The following CNTNAP2 variants were observed in gnomAD, a reference collection of about 807,000 sequenced individuals.
CNTNAP2 encodes contactin associated protein 2, also known as contactin-associated protein-like 2.
In CNTNAP2, 98 loss-of-function variants were observed where a neutral mutation model predicts 155.2. The ratio of observed to expected loss-of-function variants is 0.63; its 90% CI spans 0.54 to 0.75. The LOEUF (loss-of-function observed/expected upper bound fraction) is 0.75, where lower values mean the gene tolerates loss of function less well. Ranked by LOEUF, CNTNAP2 falls within the 30% of genes least tolerant of loss-of-function variation. The pLI is 0.00. For synonymous variants in CNTNAP2, 651 were observed against 631.2 expected, an observed-to-expected ratio of 1.03 and a Z score of -0.47; for missense variants, 1,727 against 1,688.1, an observed-to-expected ratio of 1.02 and a Z score of -0.40.
intron 8 of CNTNAP2, among the ~76,000 whole-genome samples, chr7:147,211,437 A>T (rs1803143585): frequency 6.6e-6 from 1 of 152,048 alleles, no homozygotes; most frequent in South Asian, 2.1e-4. Flanking sequence ...AAAGTAACCA[A>T]AACAGCATAG....
At chr7:146,715,319 C>G (rs557497921) in intron 1 of CNTNAP2, among the ~76,000 whole-genome samples, 1 of 151,952 alleles carries the variant, frequency 6.6e-6, no homozygotes, top group South Asian at 2.1e-4. Context: ...GCAACAAGAG[C>G]GAAACTCCAT....
rs1796285208 is a variant in CNTNAP2 at position 146,911,711 on chromosome 7, A to G, written c.402+71807A>G. On this transcript the variant is annotated intron_variant, in intron 3 of 23. Coordinates refer to ENST00000361727, the MANE Select transcript of CNTNAP2 (RefSeq NM_014141.6). ...TTGGAGGTATACCTAAGGCTAGATG[A>G]CAAGTTAGTGGGTGCAGCGCACCAG... Among the ~76,000 whole-genome samples the G allele has an allele frequency of 3.3e-5, 5 of 151,758 alleles. No homozygotes were observed. The South Asian group carries it at 1.0e-3, about 32-fold the overall frequency.
intron 1 of CNTNAP2, among the ~76,000 whole-genome samples, chr7:146,136,611 T>C (rs1797801445): frequency 1.3e-5 from 2 of 152,118 alleles, no homozygotes; most frequent in Non-Finnish European, 2.9e-5. Context: ...GGTTGGATTC[T>C]ACAGAAGCTC....
chr7:147,565,145 C>T (rs983864124), intron 12 of CNTNAP2, among the ~76,000 whole-genome samples: 5 of 151,928 alleles, frequency 3.3e-5, no homozygotes, highest in Admixed American at 6.6e-5. Context: ...CCCCTAAATC[C>T]GAAGTATAAA....
chr7:147,833,013 C>T lies in CNTNAP2; in HGVS notation c.2099-70552C>T, dbSNP rs541547441. Among the ~76,000 whole-genome samples, 251 of 150,578 alleles carry T rather than the reference C, an allele frequency of 1.7e-3. 1 individual carries two copies. Among genetic ancestry groups the T allele is most frequent in the African/African-American group, 5.8e-3 (238 of 41,196 alleles). ...TTTATATTTTATTTTTGTGTATATG[C>T]AATAAATAATTTAAAAATTTATAAT... On this transcript the variant is annotated intron_variant, in intron 13 of 23. Coordinates refer to ENST00000361727, the MANE Select transcript of CNTNAP2 (RefSeq NM_014141.6).
chr7:146,951,341 T>C (rs12703860), intron 3 of CNTNAP2, among the ~76,000 whole-genome samples: 35,988 of 152,142 alleles, frequency 0.24, 5,247 homozygotes, highest in Non-Finnish European at 0.32. Context: ...GCCATTGCTT[T>C]TGGTGTTTTA....
chr7:147,640,776 CAG>C (rs1317916315), intron 13 of CNTNAP2, among the ~76,000 whole-genome samples: 1 of 152,076 alleles, frequency 6.6e-6, no homozygotes, highest in Non-Finnish European at 1.5e-5. Flanking sequence ...CATACAGAGA[CAG>C]AGAGAGGAAG....
intron 11 of CNTNAP2, among the ~76,000 whole-genome samples, chr7:147,556,362 T>G (rs2116775199): frequency 6.6e-6 from 1 of 152,256 alleles, no homozygotes; most frequent in Admixed American, 6.5e-5. Context: ...TATATATCTG[T>G]GATAAAAATA....
At chr7:147,565,707 T>C (rs993319292) in intron 12 of CNTNAP2, among the ~76,000 whole-genome samples, 4 of 152,164 alleles carry the variant, frequency 2.6e-5, no homozygotes, top group Non-Finnish European at 2.9e-5. Context: ...ACATATGGAC[T>C]GAGTAGCTGG....
At chr7:147,459,070 G>A (rs1046384303) in intron 10 of CNTNAP2, among the ~76,000 whole-genome samples, 9 of 152,170 alleles carry the variant, frequency 5.9e-5, no homozygotes, top group African/African-American at 2.2e-4. Context: ...CAGTGATGGA[G>A]ATATTCTGTA....
At chr7:147,906,251 G>A (rs1214439181) in intron 14 of CNTNAP2, among the ~76,000 whole-genome samples, 3 of 151,996 alleles carry the variant, frequency 2.0e-5, no homozygotes, top group Non-Finnish European at 1.5e-5. Flanking sequence ...GAGTACAGTG[G>A]CAAAACCTCG....
chr7:147,335,621 C>T lies in CNTNAP2; in HGVS notation c.1498+35331C>T, dbSNP rs117238910. 1.4e-3 allele frequency among the ~76,000 whole-genome samples: 217 copies of T among 152,014 alleles called. 3 individuals are homozygous for T. In the East Asian group the frequency reaches 0.03, roughly 21 times the overall value. ...CTGAGCATTTAAAGAGAAACAGAGA[C>T]GGAGGAAATCTTGCGATCAAAGCCA... On this transcript the variant is annotated intron_variant, in intron 9 of 23. Coordinates refer to ENST00000361727, the MANE Select transcript of CNTNAP2 (RefSeq NM_014141.6).
intron 1 of CNTNAP2, among the ~76,000 whole-genome samples, chr7:146,464,696 T>A (rs10255359): frequency 0.95 from 144,317 of 152,128 alleles, 68,951 homozygotes; most frequent in East Asian, 1. Flanking sequence ...GTGATCCATC[T>A]TGCATTCTAA....
At chr7:147,366,004 T>C (rs1411123056) in intron 9 of CNTNAP2, among the ~76,000 whole-genome samples, 1 of 152,216 alleles carries the variant, frequency 6.6e-6, no homozygotes, top group African/African-American at 2.4e-5. Flanking sequence ...GAAATAATTA[T>C]TTGTGTGAAT....
chr7:146,965,410 T>C (rs373266106), intron 3 of CNTNAP2, among the ~76,000 whole-genome samples: 1 of 372 alleles, frequency 2.7e-3, no homozygotes, highest in Non-Finnish European at 4.4e-3. Flanking sequence ...GAACTCACAT[T>C]GGGTTTTTCT....
chr7:146,325,173 C>T (rs1372202583), intron 1 of CNTNAP2, among the ~76,000 whole-genome samples: 2 of 152,186 alleles, frequency 1.3e-5, no homozygotes, highest in African/African-American at 4.8e-5. Context: ...TCAAGAAATC[C>T]TCCTGCCTCA....
intron 1 of CNTNAP2, among the ~76,000 whole-genome samples, chr7:146,571,888 C>G (rs1166488963): frequency 6.6e-6 from 1 of 152,050 alleles, no homozygotes; most frequent in Non-Finnish European, 1.5e-5. Flanking sequence ...CCCGCCACCA[C>G]ACCCAGCTAA....
intron 13 of CNTNAP2, among the ~76,000 whole-genome samples, chr7:147,749,179 T>C (rs967954075): frequency 2.0e-5 from 3 of 152,236 alleles, no homozygotes; most frequent in African/African-American, 7.2e-5. Flanking sequence ...AAATTTTTCT[T>C]GCATTGTATA....
chr7:148,346,708 G>T (rs983482021), intron 21 of CNTNAP2, among the ~76,000 whole-genome samples: 6 of 151,206 alleles, frequency 4.0e-5, no homozygotes, highest in Non-Finnish European at 5.9e-5. Context: ...GGAGGCGGAG[G>T]TTGCAGTTAG....
Sources: allele counts gnomAD v4.1 joint callset (sites outside exome capture counted in the v4.1 genomes callset), GRCh38; gene constraint gnomAD v4.1.1; transcripts MANE v1.5; gene names NCBI Gene and HGNC (gene_info 2026-07-23, HGNC 2026-07-21).